The following GRIA1 variants were observed in gnomAD, a reference collection of about 807,000 sequenced individuals.
GRIA1 encodes glutamate receptor 1.
A neutral mutation model predicts 99.2 loss-of-function variants in GRIA1; 31 were observed. The ratio of observed to expected loss-of-function variants is 0.31; its 90% CI spans 0.23 to 0.42. GRIA1 has a LOEUF of 0.42. Among genes scored for constraint, GRIA1 ranks in the 10% least tolerant of loss-of-function variants. The probability of loss-of-function intolerance (pLI) is 1.00; values close to 1 mark genes in which losing one functional copy is unlikely to be tolerated. For synonymous variants in GRIA1, 438 were observed against 432.4 expected (o/e 1.01, Z -0.16); for missense variants, 782 against 1,157.5 (o/e 0.68, Z 4.71).
At chr5:153,593,494 C>G (rs557589720) in intron 2 of GRIA1, among the ~76,000 whole-genome samples, 10 of 152,266 alleles carry the variant, frequency 6.6e-5, no homozygotes, top group Admixed American at 1.3e-4. Flanking sequence ...GTTATGATGA[C>G]TAAATAAATA....
chr5:153,575,197 A>AAG (rs3064338), intron 2 of GRIA1, among the ~76,000 whole-genome samples: 20,107 of 147,648 alleles, frequency 0.14, 1,448 homozygotes, highest in South Asian at 0.21. Flanking sequence ...TCAAGAGAGA[A>AAG]AGAGAGAGAG....
At chr5:153,714,279 G>C (rs868361768) in intron 11 of GRIA1, among the ~76,000 whole-genome samples, 1 of 152,024 alleles carries the variant, frequency 6.6e-6, no homozygotes, top group Non-Finnish European at 1.5e-5. Context: ...CTAAAAGAAT[G>C]GTGAGGAATA....
intron 2 of GRIA1, among the ~76,000 whole-genome samples, chr5:153,554,151 T>C (rs1258756002): frequency 1.3e-5 from 2 of 152,204 alleles, no homozygotes; most frequent in African/African-American, 2.4e-5. Flanking sequence ...TCCTTTCAGG[T>C]GAGAATGAAG....
rs763205623 is a variant in GRIA1 at position 153,655,846 on chromosome 5, G to A, written c.673G>A (p.Gly225Ser). ...TATAAAGCTAGAGAAGAATGGCATCGGCTACCACTACATTCTTGCAAATCT... is the reference window on the plus strand; with the variant it reads ...TATAAAGCTAGAGAAGAATGGCATCAGCTACCACTACATTCTTGCAAATCT... ...QIIKLEKNGIGYHYILANLGF... is the reference protein window; with the variant it reads ...QIIKLEKNGISYHYILANLGF... The change falls in exon 5 of 16, where the codon GGC becomes AGC. Residue 225 changes from glycine to serine, a missense_variant. Coordinates refer to ENST00000285900, the MANE Select transcript of GRIA1 (RefSeq NM_000827.4). 17 of 1,613,156 alleles carry A rather than the reference G, an allele frequency of 1.1e-5. No homozygotes were observed. Among genetic ancestry groups the A allele is most frequent in the Middle Eastern group, 1.6e-4 (1 of 6,078 alleles).
chr5:153,547,192 T>C (rs1029107462), intron 2 of GRIA1, among the ~76,000 whole-genome samples: 22 of 152,132 alleles, frequency 1.4e-4, no homozygotes, highest in African/African-American at 5.3e-4. Flanking sequence ...TTTTAGCTCA[T>C]CAGCTATTGT....
chr5:153,811,314 A>T lies in GRIA1; in HGVS notation c.*89A>T. 1.2e-6 allele frequency: 1 copy of T among 857,766 alleles called. No homozygotes were observed. The highest frequency in any genetic ancestry group is 2.1e-5 in the Admixed American group (1 of 47,826). The allele number at this position is 857,766 out of a possible 1,614,324, so 53.1% of individuals were successfully genotyped here. ...CAGTGCCAAAAACAACAACAAAATG[A>T]AACGCAACCACCACCAACCACTGCG... On this transcript the variant is annotated 3_prime_UTR_variant, in exon 16 of 16. Transcript: ENST00000285900.
At chr5:153,543,204 C>T (rs1759295643) in intron 2 of GRIA1, among the ~76,000 whole-genome samples, 1 of 151,816 alleles carries the variant, frequency 6.6e-6, no homozygotes, top group Admixed American at 6.6e-5. Flanking sequence ...GTAATGGTGG[C>T]AATGTTGGAA....
At chr5:153,736,543 C>T (rs1199701084) in intron 11 of GRIA1, among the ~76,000 whole-genome samples, 1 of 152,184 alleles carries the variant, frequency 6.6e-6, no homozygotes, top group Non-Finnish European at 1.5e-5. Context: ...ACAGGCTCAG[C>T]CTCTAGCCTT....
chr5:153,544,097 A>G (rs1202122008), intron 2 of GRIA1, among the ~76,000 whole-genome samples: 4 of 152,182 alleles, frequency 2.6e-5, no homozygotes, highest in Non-Finnish European at 4.4e-5. Flanking sequence ...AAAGTGTTTT[A>G]TATCCCACAG....
At chr5:153,502,511 G>A (rs1311862041) in intron 2 of GRIA1, among the ~76,000 whole-genome samples, 1 of 152,142 alleles carries the variant, frequency 6.6e-6, no homozygotes, top group Non-Finnish European at 1.5e-5. Flanking sequence ...AGCTCCCGCT[G>A]GACTATTGTC....
At chr5:153,551,519 G>A (rs1024981526) in intron 2 of GRIA1, among the ~76,000 whole-genome samples, 2 of 152,104 alleles carry the variant, frequency 1.3e-5, no homozygotes, top group East Asian at 3.9e-4. Flanking sequence ...AGTTTGGATG[G>A]GATTTCGATT....
At chr5:153,579,883 AC>A (rs374604775) in intron 2 of GRIA1, among the ~76,000 whole-genome samples, 15,881 of 147,482 alleles carry the variant, frequency 0.11, 922 homozygotes, top group South Asian at 0.24. Context: ...AAAAACAAAA[AC>A]AAACAAACAA....
chr5:153,730,018 G>A (rs1234758067), intron 11 of GRIA1, among the ~76,000 whole-genome samples: 1 of 152,030 alleles, frequency 6.6e-6, no homozygotes, highest in Non-Finnish European at 1.5e-5. Context: ...ACAATGTGGG[G>A]CTAGCTCTCT....
chr5:153,734,120 C>A (rs1046703839), intron 11 of GRIA1, among the ~76,000 whole-genome samples: 2 of 152,168 alleles, frequency 1.3e-5, no homozygotes, highest in Admixed American at 1.3e-4. Context: ...CCCTTCTCTG[C>A]CCCATTTTCC....
At chr5:153,699,640 T>A (rs902164232) in intron 10 of GRIA1, among the ~76,000 whole-genome samples, 1 of 152,214 alleles carries the variant, frequency 6.6e-6, no homozygotes, top group Non-Finnish European at 1.5e-5. Flanking sequence ...TAGGTATGAA[T>A]GTGCCTTTTA....
Position 153,778,167 on chromosome 5 carries a change from C to T in GRIA1, c.2270+7752C>T, listed in dbSNP as rs139396418. Among the ~76,000 whole-genome samples, 186 of 134,342 alleles carry T rather than the reference C, an allele frequency of 1.4e-3. 1 individual carries two copies. The highest frequency in any genetic ancestry group is 5.3e-3 in the African/African-American group (182 of 34,236). The allele number at this position is 134,342 out of a possible 152,430, so 88.1% of individuals were successfully genotyped here. On this transcript the variant is annotated intron_variant, in intron 13 of 15. Transcript: ENST00000285900. ...GGGAGAGACAAAGGAAGGAGGGAGGCAGAGAGACAGAGAGAGAGAGAGAGA... is the reference window on the plus strand; with the variant it reads ...GGGAGAGACAAAGGAAGGAGGGAGGTAGAGAGACAGAGAGAGAGAGAGAGA...
chr5:153,641,424 G>A (rs1753770845), intron 2 of GRIA1, among the ~76,000 whole-genome samples: 1 of 152,212 alleles, frequency 6.6e-6, no homozygotes, highest in South Asian at 2.1e-4. Context: ...AGAGGTTTGA[G>A]TGAGGTGAGG....
rs559114140 is a variant in GRIA1 at position 153,513,304 on chromosome 5, C to G, written c.220+19239C>G. Among the ~76,000 whole-genome samples, 133 of 152,116 alleles carry G rather than the reference C, an allele frequency of 8.7e-4. 1 individual carries two copies. Among genetic ancestry groups the G allele is most frequent in the Non-Finnish European group, 1.6e-3 (112 of 68,018 alleles). On this transcript the variant is annotated intron_variant, in intron 2 of 15. Transcript: ENST00000285900. ...GGGATTTTGACAGTTCTGCTGAGGG[C>G]TGGCCCTGTGCCCAGCCTCCTTCCA... is the stretch of plus-strand genomic sequence containing the variant.
chr5:153,536,357 C>T (rs1758573046), intron 2 of GRIA1, among the ~76,000 whole-genome samples: 1 of 152,154 alleles, frequency 6.6e-6, no homozygotes. Flanking sequence ...CCCACCCCTA[C>T]CTCCACAAGA....
Sources: allele counts gnomAD v4.1 joint callset (sites outside exome capture counted in the v4.1 genomes callset), GRCh38; gene constraint gnomAD v4.1.1; transcripts MANE v1.5; gene names NCBI Gene and HGNC (gene_info 2026-07-23, HGNC 2026-07-21).